Variants in LCP1 observed in about 807,000 individuals in gnomAD.
LCP1 encodes the protein lymphocyte cytosolic protein 1.
In LCP1, 23 loss-of-function variants were observed where a neutral mutation model predicts 72.0. The observed-to-expected ratio is 0.32, with a 90% CI of 0.23 to 0.45. The LOEUF (loss-of-function observed/expected upper bound fraction) is 0.45. Among genes scored for constraint, LCP1 ranks in the 20% least tolerant of loss-of-function variants. LCP1 has a pLI of 1.00. For missense variants in LCP1, 571 were observed against 748.3 expected, an observed-to-expected ratio of 0.76 and a Z score of 2.76; for synonymous variants, 245 against 275.4, an observed-to-expected ratio of 0.89 and a Z score of 1.09.
intron 7 of LCP1, among the ~76,000 whole-genome samples, chr13:46,151,956 T>C (rs2045767345): frequency 6.6e-6 from 1 of 152,240 alleles, no homozygotes; most frequent in African/African-American, 2.4e-5. Flanking sequence ...CGCAATAAGA[T>C]TGACAGCTAC....
chr13:46,177,928 A>G (rs528840235), intron 1 of LCP1, among the ~76,000 whole-genome samples: 352 of 152,228 alleles, frequency 2.3e-3, no homozygotes, highest in African/African-American at 7.5e-3. Flanking sequence ...TTTGTTTATA[A>G]AAGCACTTAT....
chr13:46,156,022 C>T (rs1181817713), intron 5 of LCP1, among the ~76,000 whole-genome samples: 1 of 152,202 alleles, frequency 6.6e-6, no homozygotes, highest in Non-Finnish European at 1.5e-5. Flanking sequence ...ATAATGTCTA[C>T]ATTTCCGCTT....
chr13:46,144,636 T>G (rs985679474), intron 10 of LCP1, 116 bp from the exon 11 acceptor site: 3 of 715,504 alleles, frequency 4.2e-6, no homozygotes, highest in African/African-American at 1.8e-5. Flanking sequence ...AAGAAAGAAA[T>G]AAAATAAACT....
chr13:46,130,935 G>C lies in LCP1; in HGVS notation c.1630C>G (p.Pro544Ala), dbSNP rs17067725. The C allele has an allele frequency of 1.2e-3, 1,947 of 1,597,352 alleles. 20 individuals are homozygous for C. The African/African-American group carries it at 0.021, about 17-fold the overall frequency. The change falls in exon 15 of 16, where the codon CCG becomes GCG. Residue 544 changes from proline to alanine, a missense_variant. Pro to Ala is a conservative substitution (Grantham distance 27, BLOSUM62 -1). Coordinates refer to ENST00000323076, the MANE Select transcript of LCP1 (RefSeq NM_002298.5). ...KSSSISSFKD[P>A]KISTSLPVLD... ...ACAGGCAGACTTGTACTAATCTTCG[G>C]GTCCTATGCAGAGACACAGGGAGGG...
At chr13:46,149,150 A>C (rs1485684657) in intron 8 of LCP1, among the ~76,000 whole-genome samples, 1 of 152,192 alleles carries the variant, frequency 6.6e-6, no homozygotes, top group East Asian at 1.9e-4. Context: ...AAGCATACAG[A>C]TTTTCAGGTA....
Position 46,172,753 on chromosome 13 carries a change from C to T in LCP1, c.-25+9358G>A, listed in dbSNP as rs1002242544. On this transcript the variant is annotated intron_variant, in intron 1 of 15. Transcript: ENST00000323076. ...ATACAAACAACAAAATAATTCTGCC[C>T]GGAAACCATTTTGGTTTGTGTGTGC... Among the ~76,000 whole-genome samples, 10 of 147,162 alleles carry T rather than the reference C, an allele frequency of 6.8e-5. No homozygotes were observed. In the East Asian group the frequency reaches 1.4e-3, roughly 21 times the overall value.
At chr13:46,181,383 G>C (rs1171697710) in intron 1 of LCP1, among the ~76,000 whole-genome samples, 1 of 152,142 alleles carries the variant, frequency 6.6e-6, no homozygotes, top group Non-Finnish European at 1.5e-5. Flanking sequence ...GTAGATAAAA[G>C]CCTTTCTCCC....
In LCP1 at chr13:46,156,884, C is replaced by T. The variant is rs777019302; in HGVS notation, c.359-314G>A. On this transcript the variant is annotated intron_variant, in intron 4 of 15. Transcript: ENST00000323076. Reference sequence around the variant, plus strand: ...TCACCCAGGCTGGAGTGCAGTGGCGCGATCTCGGCTCACTGCAAGCTCTGC... The same window carrying T: ...TCACCCAGGCTGGAGTGCAGTGGCGTGATCTCGGCTCACTGCAAGCTCTGC... 2.2e-4 allele frequency among the ~76,000 whole-genome samples: 33 copies of T among 150,258 alleles called. 1 individual carries two copies. The highest frequency in any genetic ancestry group is 4.3e-4 in the Non-Finnish European group (29 of 67,702).
In LCP1 at chr13:46,179,594, G is replaced by A. The variant is rs555110602; in HGVS notation, c.-25+2517C>T. On this transcript the variant is annotated intron_variant, in intron 1 of 15. Transcript: ENST00000323076. ...GAGAAGATGGGAAGGCCTCCAAAAGGGTATGTTTCTTGAAGTCCGCCTTGA... is the reference window on the plus strand; with the variant it reads ...GAGAAGATGGGAAGGCCTCCAAAAGAGTATGTTTCTTGAAGTCCGCCTTGA... Among the ~76,000 whole-genome samples the A allele has an allele frequency of 3.9e-5, 6 of 152,196 alleles. No individual in the cohort carries two copies. In the South Asian group the frequency reaches 1.0e-3, roughly 26 times the overall value.
At position 46,156,527 on chromosome 13, in the gene LCP1, C is replaced by T; in HGVS notation, c.402G>A (p.Leu134=). The change falls in exon 5 of 16, where the codon CTG becomes CTA. Residue 134 remains leucine, a synonymous_variant. Coordinates refer to ENST00000323076, the MANE Select transcript of LCP1 (RefSeq NM_002298.5). ...CATGCCGACAATCAGGATCATTTTC[C>T]AGGGCTTTGTTTATCCAGTTGACAA... The part of the protein sequence containing the change: ...YAFVNWINKA[L]ENDPDCRHVI... 1 of 1,614,118 alleles carries T rather than the reference C, an allele frequency of 6.2e-7. No individual in the cohort carries two copies. The highest frequency in any genetic ancestry group is 8.5e-7 in the Non-Finnish European group (1 of 1,179,994).
In LCP1 at chr13:46,176,514, G is replaced by A. The variant is rs540404184; in HGVS notation, c.-25+5597C>T. ...CTTTGCCTAAGGAATGCTGAATAGG[G>A]AAAATATGCAAATTTTATACAAATA... On this transcript the variant is annotated intron_variant, in intron 1 of 15. Coordinates refer to ENST00000323076, the MANE Select transcript of LCP1 (RefSeq NM_002298.5). Among the ~76,000 whole-genome samples, 136 of 152,204 alleles carry A rather than the reference G, an allele frequency of 8.9e-4. 1 individual carries two copies. Among genetic ancestry groups the A allele is most frequent in the South Asian group, 2.1e-3 (10 of 4,832 alleles).
chr13:46,137,286 C>T (rs1179090207), intron 13 of LCP1, among the ~76,000 whole-genome samples: 3 of 151,430 alleles, frequency 2.0e-5, no homozygotes, highest in Admixed American at 2.0e-4. Context: ...GCCTGTAATT[C>T]GAGCACTTTG....
In LCP1 at chr13:46,154,906, A is replaced by T; in HGVS notation, c.492-20T>A. On this transcript the variant is annotated intron_variant, in intron 5 of 15. Coordinates refer to ENST00000323076, the MANE Select transcript of LCP1 (RefSeq NM_002298.5). ...ATTTTACTGAAAGAGAAACAATTAA[A>T]TTAAAGAAAGCAGTCTTCTGAATAA... 1.3e-6 allele frequency: 2 copies of T among 1,596,384 alleles called. No individual in the cohort carries two copies. Among genetic ancestry groups the T allele is most frequent in the South Asian group, 2.2e-5 (2 of 90,632 alleles).
At chr13:46,130,736 G>T in intron 15 of LCP1, 78 bp downstream of exon 15, 2 of 1,511,524 alleles carry the variant, frequency 1.3e-6, no homozygotes, top group East Asian at 2.3e-5. Context: ...ATAAAGGCAT[G>T]AGCATTAGAC....
intron 14 of LCP1, among the ~76,000 whole-genome samples, chr13:46,131,303 G>A (rs1001719425): frequency 2.6e-5 from 4 of 152,184 alleles, no homozygotes; most frequent in Non-Finnish European, 5.9e-5. Flanking sequence ...ACCACAATGA[G>A]ATACCACTGC....
At chr13:46,150,059 C>T (rs1001324194) in intron 8 of LCP1, among the ~76,000 whole-genome samples, 8 of 152,178 alleles carry the variant, frequency 5.3e-5, no homozygotes, top group South Asian at 4.1e-4. Context: ...ACTGAATGCA[C>T]GTCATATAGC....
intron 2 of LCP1, chr13:46,159,245 TAG>T (rs1459179583): frequency 5.7e-6 from 3 of 526,480 alleles, no homozygotes; most frequent in Non-Finnish European, 1.0e-5. Context: ...AGAACTCTTA[TAG>T]AAACTCTTAA....
Position 46,143,462 on chromosome 13 carries a change from A to G in LCP1, c.1254-58T>C, listed in dbSNP as rs2045710312. ...TATCCAACATTTATTCAGGGCCTACAATGGGCCAGACACTTTCTTACATAT... is the reference window on the plus strand; with the variant it reads ...TATCCAACATTTATTCAGGGCCTACGATGGGCCAGACACTTTCTTACATAT... On this transcript the variant is annotated intron_variant, in intron 11 of 15. Coordinates refer to ENST00000323076, the MANE Select transcript of LCP1 (RefSeq NM_002298.5). 3 of 1,113,356 alleles carry G rather than the reference A, an allele frequency of 2.7e-6. No homozygotes were observed. In the South Asian group the frequency reaches 3.7e-5, roughly 14 times the overall value. The allele number at this position is 1,113,356 out of a possible 1,614,324, so 69.0% of individuals were successfully genotyped here.
intron 1 of LCP1, among the ~76,000 whole-genome samples, chr13:46,170,301 CT>C (rs2138279108): frequency 6.6e-6 from 1 of 152,380 alleles, no homozygotes; most frequent in Non-Finnish European, 1.5e-5. Flanking sequence ...TAAAGGGCAG[CT>C]GCTGGCCCGA....
Sources: gnomAD v4.1 joint callset for allele counts (sites outside exome capture counted in the v4.1 genomes callset) on GRCh38, gnomAD v4.1.1 for gene constraint, MANE v1.5 for transcripts, NCBI Gene and HGNC (gene_info 2026-07-23, HGNC 2026-07-21) for gene names.